Variants in CAMK2D observed in about 807,000 individuals in gnomAD.
CAMK2D encodes the protein calcium/calmodulin dependent protein kinase II delta.
In CAMK2D, 37 loss-of-function variants were observed where a neutral mutation model predicts 84.0. The ratio of observed to expected loss-of-function variants is 0.44; its 90% CI spans 0.34 to 0.58. CAMK2D has a LOEUF of 0.58. Among genes scored for constraint, CAMK2D ranks in the 20% least tolerant of loss-of-function variants. CAMK2D has a pLI of 0.02. For missense variants in CAMK2D, 448 were observed against 652.5 expected, an observed-to-expected ratio of 0.69 and a Z score of 3.41; for synonymous variants, 202 against 212.5, an observed-to-expected ratio of 0.95 and a Z score of 0.43.
chr4:113,716,649 CAAAAAAAAAAAA>C (rs397750449), intron 2 of CAMK2D, among the ~76,000 whole-genome samples: 1 of 76,176 alleles, frequency 1.3e-5, no homozygotes, highest in East Asian at 4.1e-4. Context: ...AGACTCCATC[CAAAAAAAAAAAA>C]AAAAAAAAAG....
At chr4:113,543,217 T>C (rs2154192421) in intron 6 of CAMK2D, among the ~76,000 whole-genome samples, 1 of 152,326 alleles carries the variant, frequency 6.6e-6, no homozygotes, top group South Asian at 2.1e-4. Context: ...TGAGAAAATA[T>C]ATCTGATCTG....
intron 9 of CAMK2D, among the ~76,000 whole-genome samples, chr4:113,517,326 G>T (rs779925551): frequency 1.1e-4 from 17 of 152,062 alleles, no homozygotes; most frequent in Non-Finnish European, 2.4e-4. Flanking sequence ...TTTTGACAAA[G>T]TTCTTCCTCA....
At chr4:113,615,958 A>G (rs72678766) in intron 3 of CAMK2D, among the ~76,000 whole-genome samples, 17,664 of 152,144 alleles carry the variant, frequency 0.12, 1,306 homozygotes, top group East Asian at 0.19. Flanking sequence ...AGGGATATGT[A>G]TTTTTGAAAA....
At chr4:113,637,089 TAATCTGACCAC>T (rs886280380) in intron 3 of CAMK2D, among the ~76,000 whole-genome samples, 3 of 152,164 alleles carry the variant, frequency 2.0e-5, no homozygotes, top group Non-Finnish European at 2.9e-5. Context: ...CCACTTACCA[TAATCTGACCAC>T]AATCTGACCA....
At chr4:113,456,139 T>A (rs1385874756) in intron 19 of CAMK2D, among the ~76,000 whole-genome samples, 2 of 152,186 alleles carry the variant, frequency 1.3e-5, no homozygotes, top group East Asian at 3.9e-4. Context: ...TTTTTACAAA[T>A]CTAACAGTGA....
At chr4:113,586,130 T>C (rs1414954100) in intron 4 of CAMK2D, among the ~76,000 whole-genome samples, 1 of 152,212 alleles carries the variant, frequency 6.6e-6, no homozygotes, top group Non-Finnish European at 1.5e-5. Flanking sequence ...CAACCACCTG[T>C]TTCCAGCTCC....
intron 18 of CAMK2D, among the ~76,000 whole-genome samples, chr4:113,458,042 G>C (rs868041898): frequency 1.3e-4 from 20 of 152,132 alleles, no homozygotes; most frequent in African/African-American, 4.8e-4. Context: ...CAAGTTTCAG[G>C]TATAGACATC....
At chr4:113,717,304 A>T (rs913477041) in intron 2 of CAMK2D, among the ~76,000 whole-genome samples, 2 of 152,176 alleles carry the variant, frequency 1.3e-5, no homozygotes, top group Non-Finnish European at 2.9e-5. Context: ...TGTTTATTAA[A>T]AAAATAAGAG....
intron 2 of CAMK2D, among the ~76,000 whole-genome samples, chr4:113,687,839 A>T (rs2099364430): frequency 6.6e-6 from 1 of 152,214 alleles, no homozygotes; most frequent in African/African-American, 2.4e-5. Flanking sequence ...TGTTTCCTAC[A>T]TCCCTTCTTG....
Position 113,573,052 on chromosome 4 carries a change from G to T in CAMK2D, c.276-20956C>A, listed in dbSNP as rs2098762042. Reference sequence around the variant, plus strand: ...TACTGGGGTCTACTTGAGGAAGGAGGGTGGGAGGAGGAAGCGGAGAAGAAA... The same window carrying T: ...TACTGGGGTCTACTTGAGGAAGGAGTGTGGGAGGAGGAAGCGGAGAAGAAA... On this transcript the variant is annotated intron_variant, in intron 4 of 20. Transcript: ENST00000511664. Among the ~76,000 whole-genome samples the T allele has an allele frequency of 2.0e-5, 3 of 152,294 alleles. 1 individual carries two copies. In the South Asian group the frequency reaches 6.2e-4, roughly 32 times the overall value.
At chr4:113,538,748 G>A (rs1314755303) in intron 6 of CAMK2D, among the ~76,000 whole-genome samples, 1 of 152,150 alleles carries the variant, frequency 6.6e-6, no homozygotes, top group East Asian at 1.9e-4. Flanking sequence ...AGCCAGCCAT[G>A]CAAATTAGCA....
At chr4:113,589,706 A>G (rs1011171384) in intron 4 of CAMK2D, among the ~76,000 whole-genome samples, 11 of 152,166 alleles carry the variant, frequency 7.2e-5, no homozygotes, top group Admixed American at 2.6e-4. Flanking sequence ...GCAAGTAGAG[A>G]TAGTGAGTAG....
chr4:113,658,078 CA>C (rs2099210276), intron 3 of CAMK2D, among the ~76,000 whole-genome samples: 1 of 152,156 alleles, frequency 6.6e-6, no homozygotes, highest in African/African-American at 2.4e-5. Context: ...ACAGGAACTG[CA>C]GTACTTTCCT....
intron 2 of CAMK2D, among the ~76,000 whole-genome samples, chr4:113,725,957 T>C (rs559355892): frequency 9.1e-4 from 139 of 152,336 alleles, no homozygotes; most frequent in African/African-American, 3.2e-3. Context: ...TTCTGCAAGA[T>C]GTTTGAATAC....
intron 4 of CAMK2D, among the ~76,000 whole-genome samples, chr4:113,603,773 T>TTATATA (rs139576985): frequency 0.034 from 4,291 of 127,762 alleles, 122 homozygotes; most frequent in Admixed American, 0.074. Context: ...TCTTGCTATT[T>TTATATA]TATATATATA....
At chr4:113,673,706 G>A (rs1471089612) in intron 2 of CAMK2D, among the ~76,000 whole-genome samples, 2 of 152,262 alleles carry the variant, frequency 1.3e-5, no homozygotes, top group South Asian at 4.1e-4. Context: ...GTGAGTGGGA[G>A]AGGAAGTCAG....
At chr4:113,552,179 G>T (rs966431013) in intron 4 of CAMK2D, 83 bp from the exon 5 acceptor site, 2 of 723,946 alleles carry the variant, frequency 2.8e-6, no homozygotes, top group Non-Finnish European at 2.4e-6. Flanking sequence ...TGTTCATATA[G>T]CTGTTTTTCT....
chr4:113,509,071 CTGT>C (rs2079695252), intron 13 of CAMK2D, among the ~76,000 whole-genome samples: 2 of 152,084 alleles, frequency 1.3e-5, no homozygotes, highest in South Asian at 4.1e-4. Flanking sequence ...AAATATCCTG[CTGT>C]TATTTTTCTT....
chr4:113,659,704 C>T (rs138713479), intron 3 of CAMK2D, among the ~76,000 whole-genome samples: 228 of 152,316 alleles, frequency 1.5e-3, no homozygotes, highest in African/African-American at 4.9e-3. Flanking sequence ...GCTTAAGCCA[C>T]CCAGTCTGTG....
Sources: gnomAD v4.1 joint callset for allele counts (sites outside exome capture counted in the v4.1 genomes callset) on GRCh38, gnomAD v4.1.1 for gene constraint, MANE v1.5 for transcripts, NCBI Gene and HGNC (gene_info 2026-07-23, HGNC 2026-07-21) for gene names.